Variants in SERINC5 observed in about 807,000 individuals in gnomAD.
SERINC5 encodes chromosome 5 open reading frame 12.
A neutral mutation model predicts 63.1 loss-of-function variants in SERINC5; 41 were observed. The ratio of observed to expected loss-of-function variants is 0.65; its 90% CI spans 0.51 to 0.84. The LOEUF is 0.84. SERINC5 is among the 40% of genes least tolerant of loss of function. SERINC5 has a pLI of 0.00. For missense variants in SERINC5, 523 were observed against 573.0 expected, an observed-to-expected ratio of 0.91 and a Z score of 0.89; for synonymous variants, 222 against 215.2, an observed-to-expected ratio of 1.03 and a Z score of -0.28.
downstream of SERINC5, among the ~76,000 whole-genome samples, chr5:80,138,327 G>C (rs915122448): frequency 1.3e-5 from 2 of 152,136 alleles, no homozygotes; most frequent in Non-Finnish European, 1.5e-5. Context: ...CGGGCACGGT[G>C]GCTCACGTCT....
chr5:80,203,272 G>A (rs755760303), intron 1 of SERINC5: 138 of 161,414 alleles, frequency 8.5e-4, no homozygotes, highest in South Asian at 3.5e-3. Flanking sequence ...ATATATATAT[G>A]TGTATATATA....
downstream of SERINC5, among the ~76,000 whole-genome samples, chr5:80,133,992 G>C (rs143574932): frequency 4.5e-4 from 68 of 152,282 alleles, no homozygotes; most frequent in African/African-American, 1.5e-3. Flanking sequence ...CTGATCCATC[G>C]AGTGCAGGGT....
At chr5:80,122,197 G>GTATATATATA (rs10700420) in intron 11 of SERINC5, among the ~76,000 whole-genome samples, 14,968 of 116,536 alleles carry the variant, frequency 0.13, 1,054 homozygotes, top group South Asian at 0.18. Context: ...AGAACTAATA[G>GTATATATATA]TATATATATA....
chr5:80,146,525 T>TCACTGCAACCTCCACCTCC (rs1169378760), intron 10 of SERINC5, among the ~76,000 whole-genome samples: 5 of 152,220 alleles, frequency 3.3e-5, no homozygotes, highest in Non-Finnish European at 7.3e-5. Context: ...TGATCTTGGG[T>TCACTGCAACCTCCACCTCC]CACTGCAACC....
intron 11 of SERINC5, among the ~76,000 whole-genome samples, chr5:80,122,904 A>AG: frequency 1.3e-5 from 2 of 152,374 alleles, no homozygotes; most frequent in East Asian, 3.9e-4. Flanking sequence ...GATTTTTCTC[A>AG]GTGCCTCCAG....
At chr5:80,159,206 A>C (rs572857817) in intron 7 of SERINC5, among the ~76,000 whole-genome samples, 1 of 152,320 alleles carries the variant, frequency 6.6e-6, no homozygotes, top group African/African-American at 2.4e-5. Flanking sequence ...GCTCAGTGCC[A>C]TGGGGCTCAA....
chr5:80,198,136 C>A (rs184249440), intron 2 of SERINC5, among the ~76,000 whole-genome samples: 1 of 152,238 alleles, frequency 6.6e-6, no homozygotes, highest in Non-Finnish European at 1.5e-5. Flanking sequence ...CCACACCCGG[C>A]CTCTAAAATG....
intron 1 of SERINC5, among the ~76,000 whole-genome samples, chr5:80,231,478 T>TA (rs547717788): frequency 2.9e-3 from 437 of 152,278 alleles, no homozygotes; most frequent in Non-Finnish European, 4.1e-3. Context: ...TATAAATGTT[T>TA]AAATCTCATG....
At chr5:80,152,491 CAAAA>C (rs199692612) in intron 8 of SERINC5, among the ~76,000 whole-genome samples, 3,039 of 100,004 alleles carry the variant, frequency 0.03, 58 homozygotes, top group East Asian at 0.1. Flanking sequence ...GACCCTGTCT[CAAAA>C]AAAAAAAAAA....
chr5:80,195,942 T>C (rs1749470349), intron 2 of SERINC5, among the ~76,000 whole-genome samples: 1 of 152,246 alleles, frequency 6.6e-6, no homozygotes, highest in African/African-American at 2.4e-5. Flanking sequence ...GGCTAAGTTA[T>C]CTGGAGAAAG....
rs768414177 is a variant in SERINC5 at position 80,158,805 on chromosome 5, A to G, written c.986+31T>C. The G allele has an allele frequency of 1.2e-5, 19 of 1,602,988 alleles. No individual in the cohort carries two copies. In the East Asian group the frequency reaches 3.6e-4, roughly 30 times the overall value. ...TTTTCCTGTAATTTTAAAGTCTGCA[A>G]AAGTGACCTTGAGTAACTCCCAAGA... On this transcript the variant is annotated intron_variant, in intron 8 of 11. Transcript: ENST00000507668.
chr5:80,141,433 G>T lies in SERINC5; in HGVS notation c.*2230C>A. 2.0e-6 allele frequency: 2 copies of T among 985,502 alleles called. No homozygotes were observed. The highest frequency in any genetic ancestry group is 2.4e-6 in the Non-Finnish European group (2 of 829,966). 61.0% of individuals were successfully genotyped at this position (985,502 alleles called of 1,614,324 possible). A position where few individuals can be genotyped will look rare whatever the true frequency, so the allele number is the denominator to read the frequency against. The stretch of plus-strand genomic sequence containing the variant: ...GGCCAGCCAAGGAATACAAGGCCTT[G>T]TCAGCTGGACCTTGACTGCGCGTAA... On this transcript the variant is annotated 3_prime_UTR_variant, in exon 12 of 12. Transcript: ENST00000507668.
At chr5:80,160,463 C>T (rs567931876) in intron 7 of SERINC5, among the ~76,000 whole-genome samples, 6 of 152,294 alleles carry the variant, frequency 3.9e-5, no homozygotes, top group Admixed American at 1.3e-4. Context: ...ACTTTACAAA[C>T]GTGCATATTT....
chr5:80,237,017 G>A (rs1751723985), intron 1 of SERINC5, among the ~76,000 whole-genome samples: 1 of 151,566 alleles, frequency 6.6e-6, no homozygotes, highest in African/African-American at 2.4e-5. Flanking sequence ...GTAGAGACGG[G>A]GTTTCACCAC....
chr5:80,126,237 C>A (rs1245111994), intron 11 of SERINC5, among the ~76,000 whole-genome samples: 18 of 152,168 alleles, frequency 1.2e-4, no homozygotes, highest in Admixed American at 1.2e-3. Context: ...TTATAAAAAG[C>A]TGGTTCATCA....
At chr5:80,244,443 T>C (rs901421961) in intron 1 of SERINC5, among the ~76,000 whole-genome samples, 3 of 151,906 alleles carry the variant, frequency 2.0e-5, no homozygotes, top group Admixed American at 6.6e-5. Context: ...CTCAAACTCC[T>C]GACCTCAAGT....
chr5:80,200,425 G>A (rs1228132830), intron 2 of SERINC5, among the ~76,000 whole-genome samples: 1 of 151,552 alleles, frequency 6.6e-6, no homozygotes, highest in Non-Finnish European at 1.5e-5. Flanking sequence ...GGCAGAGCTT[G>A]CAGTGAGCCG....
intron 2 of SERINC5, among the ~76,000 whole-genome samples, chr5:80,200,901 C>T (rs1233568802): frequency 6.6e-6 from 1 of 151,552 alleles, no homozygotes; most frequent in Non-Finnish European, 1.5e-5. Flanking sequence ...CCAGACCAGC[C>T]CAGCCAACAT....
chr5:80,249,305 ACT>A (rs1013764038), intron 1 of SERINC5, among the ~76,000 whole-genome samples: 3 of 151,132 alleles, frequency 2.0e-5, no homozygotes, highest in Non-Finnish European at 4.4e-5. Context: ...ACACAGCGAG[ACT>A]CTGTCTCCAA....
Sources: allele counts gnomAD v4.1 joint callset (sites outside exome capture counted in the v4.1 genomes callset), GRCh38; gene constraint gnomAD v4.1.1; transcripts MANE v1.5; gene names NCBI Gene and HGNC (gene_info 2026-07-23, HGNC 2026-07-21).